Variants in GTF2F2 observed in about 807,000 individuals in gnomAD.
The protein encoded by GTF2F2 is ATP-dependent helicase GTF2F2.
In GTF2F2, 23 loss-of-function variants were observed where a neutral mutation model predicts 42.2. The observed-to-expected ratio is 0.55, with a 90% CI of 0.39 to 0.77. GTF2F2 has a LOEUF of 0.77. GTF2F2 is among the 30% of genes least tolerant of loss of function. The pLI is 0.00. For synonymous variants in GTF2F2, 105 were observed against 100.8 expected, an observed-to-expected ratio of 1.04 and a Z score of -0.25; for missense variants, 261 against 287.2, an observed-to-expected ratio of 0.91 and a Z score of 0.66.
At chr13:45,188,104 C>T (rs562682138) in intron 4 of GTF2F2, among the ~76,000 whole-genome samples, 4 of 152,148 alleles carry the variant, frequency 2.6e-5, no homozygotes, top group Non-Finnish European at 5.9e-5. Context: ...CAGGGTTTCA[C>T]CATGTTGGTC....
chr13:45,249,830 G>A (rs1875800644), intron 5 of GTF2F2, among the ~76,000 whole-genome samples: 1 of 152,130 alleles, frequency 6.6e-6, no homozygotes, highest in East Asian at 1.9e-4. Context: ...GGGGGGCCAA[G>A]ATTAGGACAC....
intron 4 of GTF2F2, among the ~76,000 whole-genome samples, chr13:45,159,940 A>G (rs1870954223): frequency 6.6e-6 from 1 of 152,066 alleles, no homozygotes; most frequent in South Asian, 2.1e-4. Context: ...TTTTCATTGA[A>G]CTTTTTTTCT....
chr13:45,233,311 G>T (rs189681782), intron 5 of GTF2F2, among the ~76,000 whole-genome samples: 1 of 152,156 alleles, frequency 6.6e-6, no homozygotes, highest in Non-Finnish European at 1.5e-5. Context: ...GTCCACTTCC[G>T]TTTAGTCATC....
chr13:45,128,912 G>C (rs762628589), intron 1 of GTF2F2, among the ~76,000 whole-genome samples: 12 of 152,002 alleles, frequency 7.9e-5, no homozygotes, highest in Non-Finnish European at 1.6e-4. Flanking sequence ...TAAGTTGGCA[G>C]TTGCTTGTAT....
chr13:45,279,538 C>T (rs1273640748), intron 7 of GTF2F2, among the ~76,000 whole-genome samples: 1 of 152,162 alleles, frequency 6.6e-6, no homozygotes, highest in Non-Finnish European at 1.5e-5. Context: ...TCTTAGCTGC[C>T]TTGTTAGTCT....
intron 7 of GTF2F2, 87 bp from the exon 8 acceptor site, chr13:45,283,355 C>A: frequency 1.7e-6 from 2 of 1,156,170 alleles, no homozygotes; most frequent in South Asian, 1.6e-5. Flanking sequence ...TTATGGCTTG[C>A]ATATGTGCTT....
rs183494182 is a variant in GTF2F2, at chr13:45,173,007, G to T, written c.304+21176G>T. Among the ~76,000 whole-genome samples, 157 of 152,138 alleles carry T rather than the reference G, an allele frequency of 1.0e-3. 1 individual carries two copies. The highest frequency in any genetic ancestry group is 3.7e-3 in the African/African-American group (153 of 41,486). The stretch of plus-strand genomic sequence containing the variant: ...TTTGCAAAAAGTAAAAAGTCCAGCT[G>T]GGATTTTGGTAGGGATCATATTGAA... On this transcript the variant is annotated intron_variant, in intron 4 of 7. Transcript: ENST00000340473.
In GTF2F2 at chr13:45,196,002, A is replaced by G. The variant is rs145758401; in HGVS notation, c.305-11422A>G. Among the ~76,000 whole-genome samples, 985 of 152,318 alleles carry G rather than the reference A, an allele frequency of 6.5e-3. 12 individuals carry two copies. Among genetic ancestry groups the G allele is most frequent in the African/African-American group, 0.023 (941 of 41,578 alleles). ...TAGTTTATATTTCTCTTGCATTAAA[A>G]GTATTTTAAAATTATTTAACTGTAT... On this transcript the variant is annotated intron_variant, in intron 4 of 7. Transcript: ENST00000340473.
rs182078640 is a variant in GTF2F2, at chr13:45,191,346, A to C, written c.305-16078A>C. ...AATATATGTTTGGCTCATGGCAACT[A>C]TAGTAACCTACTTTTTTATTACCTT... On this transcript the variant is annotated intron_variant, in intron 4 of 7. Transcript: ENST00000340473. Among the ~76,000 whole-genome samples, 191 of 149,816 alleles carry C rather than the reference A, an allele frequency of 1.3e-3. 1 individual carries two copies. Among genetic ancestry groups the C allele is most frequent in the African/African-American group, 4.3e-3 (176 of 40,648 alleles).
chr13:45,266,876 G>A (rs1424731974), intron 6 of GTF2F2, among the ~76,000 whole-genome samples: 1 of 152,148 alleles, frequency 6.6e-6, no homozygotes, highest in East Asian at 1.9e-4. Context: ...GGGCAAGCAC[G>A]GTGGCTCACA....
intron 6 of GTF2F2, among the ~76,000 whole-genome samples, chr13:45,262,481 G>A (rs773385986): frequency 1.3e-5 from 2 of 152,158 alleles, no homozygotes; most frequent in Non-Finnish European, 2.9e-5. Context: ...AGGTTGGAGT[G>A]CATTGGTGCA....
In GTF2F2 at chr13:45,262,071, C is replaced by A. The variant is rs867927872; in HGVS notation, c.487-5162C>A. Reference sequence around the variant, plus strand: ...ATTATGAGCCTGTCTTAGACATTATCAAAAAAAAAAATTTAACTGGCTGGG... The same window carrying A: ...ATTATGAGCCTGTCTTAGACATTATAAAAAAAAAAAATTTAACTGGCTGGG... On this transcript the variant is annotated intron_variant, in intron 6 of 7. Transcript: ENST00000340473. 1.9e-4 allele frequency among the ~76,000 whole-genome samples: 28 copies of A among 148,228 alleles called. 1 individual carries two copies. The South Asian group carries it at 4.1e-3, about 21-fold the overall frequency.
intron 2 of GTF2F2, among the ~76,000 whole-genome samples, chr13:45,142,005 T>C (rs1445747317): frequency 6.6e-6 from 1 of 152,248 alleles, no homozygotes; most frequent in East Asian, 1.9e-4. Context: ...TGGTTTACTT[T>C]GTTGCATCTT....
chr13:45,139,136 TA>T (rs1415221008), intron 2 of GTF2F2, among the ~76,000 whole-genome samples: 1 of 152,170 alleles, frequency 6.6e-6, no homozygotes, highest in African/African-American at 2.4e-5. Flanking sequence ...ACAAGCCTGT[TA>T]CTCCACTATA....
intron 3 of GTF2F2, among the ~76,000 whole-genome samples, chr13:45,150,379 C>A (rs527712596): frequency 2.8e-4 from 42 of 152,042 alleles, no homozygotes; most frequent in Admixed American, 6.6e-4. Flanking sequence ...TTAAAACAAT[C>A]AAAAATAATA....
chr13:45,175,114 C>T (rs1871809241), intron 4 of GTF2F2, among the ~76,000 whole-genome samples: 1 of 152,156 alleles, frequency 6.6e-6, no homozygotes, highest in African/African-American at 2.4e-5. Context: ...TCACACTTTC[C>T]AGCCTCTAGT....
At chr13:45,189,796 C>T (rs1272663822) in intron 4 of GTF2F2, among the ~76,000 whole-genome samples, 1 of 152,026 alleles carries the variant, frequency 6.6e-6, no homozygotes, top group Admixed American at 6.5e-5. Context: ...GATTTGCAGT[C>T]AAAAATCAAT....
chr13:45,134,007 G>A (rs943417816), intron 1 of GTF2F2, among the ~76,000 whole-genome samples: 4 of 152,164 alleles, frequency 2.6e-5, no homozygotes, highest in Non-Finnish European at 5.9e-5. Flanking sequence ...TGCTTAGGAT[G>A]GTTGCTTGAA....
Position 45,191,224 on chromosome 13 carries a change from A to ATATATATAT in GTF2F2, c.305-16200_305-16199insTATATATAT, listed in dbSNP as rs1555267736. 1.9e-3 allele frequency among the ~76,000 whole-genome samples: 145 copies of ATATATATAT among 75,302 alleles called. 1 individual carries two copies. The highest frequency in any genetic ancestry group is 7.3e-3 in the African/African-American group (73 of 9,996). The allele number at this position is 75,302 out of a possible 152,430, so 49.4% of individuals were successfully genotyped here. A position where few individuals can be genotyped will look rare whatever the true frequency, so the allele number is the denominator to read the frequency against. ...GTCTCTACTAAAAATACAAAAAAAAAATATATATATATATATATATATATA... is the reference window on the plus strand; with the variant it reads ...GTCTCTACTAAAAATACAAAAAAAAATATATATATATATATATATATATATATATATATA... On this transcript the variant is annotated intron_variant, in intron 4 of 7. Coordinates refer to ENST00000340473, the MANE Select transcript of GTF2F2 (RefSeq NM_004128.3).
Sources: gnomAD v4.1 joint callset for allele counts (sites outside exome capture counted in the v4.1 genomes callset) on GRCh38, gnomAD v4.1.1 for gene constraint, MANE v1.5 for transcripts, NCBI Gene and HGNC (gene_info 2026-07-23, HGNC 2026-07-21) for gene names.